The following ALPK1 variants were observed in gnomAD, a reference collection of about 807,000 sequenced individuals.
ALPK1 encodes the protein alpha kinase 1, also known as alpha-protein kinase 1.
A neutral mutation model predicts 120.6 loss-of-function variants in ALPK1; 110 were observed. The observed-to-expected ratio is 0.91, with a 90% CI of 0.78 to 1.07. The LOEUF (loss-of-function observed/expected upper bound fraction) is 1.07. Ranked by LOEUF, ALPK1 falls within the 50% of genes least tolerant of loss-of-function variation. The probability of loss-of-function intolerance (pLI) is 0.00; values close to 1 mark genes in which losing one functional copy is unlikely to be tolerated. For synonymous variants in ALPK1, 582 were observed against 560.3 expected (o/e 1.04, Z -0.55); for missense variants, 1,498 against 1,483.9 (o/e 1.01, Z -0.16).
chr4:112,320,459 T>C (rs550354557), intron 2 of ALPK1, among the ~76,000 whole-genome samples: 6 of 152,330 alleles, frequency 3.9e-5, no homozygotes, highest in African/African-American at 1.4e-4. Context: ...TATTTTGTTC[T>C]GGATTTTTGC....
At chr4:112,433,630 G>C (rs1324307228) in intron 11 of ALPK1, among the ~76,000 whole-genome samples, 3 of 152,212 alleles carry the variant, frequency 2.0e-5, no homozygotes, top group Non-Finnish European at 4.4e-5. Context: ...AAAAGTGGTA[G>C]AGAAGCTGGG....
At chr4:112,378,800 A>G (rs1037219425) in intron 3 of ALPK1, among the ~76,000 whole-genome samples, 1 of 152,234 alleles carries the variant, frequency 6.6e-6, no homozygotes, top group Middle Eastern at 3.4e-3. Context: ...TTTTCTCCTG[A>G]GTTCTTGTAC....
chr4:112,304,653 C>T (rs1727946429), intron 1 of ALPK1, among the ~76,000 whole-genome samples: 1 of 151,986 alleles, frequency 6.6e-6, no homozygotes, highest in Admixed American at 6.5e-5. Flanking sequence ...GATATTAGCC[C>T]TTTGTCAAAT....
In ALPK1 at chr4:112,431,350, C is replaced by G. The variant is rs774832302; in HGVS notation, c.1803C>G (p.His601Gln). 1.2e-6 allele frequency: 2 copies of G among 1,614,168 alleles called. No homozygotes were observed. Among genetic ancestry groups the G allele is most frequent in the Non-Finnish European group, 1.7e-6 (2 of 1,180,028 alleles). The change falls in exon 11 of 16, where the codon CAC (histidine) becomes CAG (glutamine). Residue 601 changes from histidine to glutamine, a missense_variant. His to Gln is a conservative substitution (Grantham distance 24, BLOSUM62 0). Transcript: ENST00000650871. ...SSASWEEVNY[H>Q]VDDRSARKEP... ...CAAGCTGGGAGGAAGTGAATTATCA[C>G]GTTGACGACAGGTCAGCCAGAAAAG...
intron 9 of ALPK1, among the ~76,000 whole-genome samples, chr4:112,428,779 G>C (rs2351758): frequency 6.6e-6 from 1 of 151,540 alleles, no homozygotes; most frequent in Non-Finnish European, 1.5e-5. Context: ...TACTCTATAC[G>C]TATTTACAGA....
chr4:112,325,645 C>T (rs1729083084), intron 2 of ALPK1, among the ~76,000 whole-genome samples: 3 of 152,206 alleles, frequency 2.0e-5, no homozygotes, highest in African/African-American at 7.2e-5. Flanking sequence ...TATCACACAT[C>T]TCAACTTTTA....
At chr4:112,366,024 A>G (rs371572867) in intron 2 of ALPK1, among the ~76,000 whole-genome samples, 3 of 152,218 alleles carry the variant, frequency 2.0e-5, no homozygotes, top group East Asian at 3.8e-4. Flanking sequence ...ATAGAACTGG[A>G]TCCTCATCTG....
intron 2 of ALPK1, chr4:112,352,936 C>G (rs1730427118): frequency 7.0e-6 from 1 of 141,936 alleles, no homozygotes; most frequent in Non-Finnish European, 1.5e-5. Context: ...CTCTTTCTGT[C>G]TTCTCTCTTT....
chr4:112,337,329 A>G (rs77900512), intron 2 of ALPK1, among the ~76,000 whole-genome samples: 12 of 152,302 alleles, frequency 7.9e-5, no homozygotes, highest in African/African-American at 2.9e-4. Context: ...ATCTAAACAT[A>G]GTTTTGGTGG....
intron 4 of ALPK1, among the ~76,000 whole-genome samples, chr4:112,396,397 T>C (rs1732652762): frequency 6.6e-6 from 1 of 152,160 alleles, no homozygotes; most frequent in African/African-American, 2.4e-5. Context: ...AACCTACTTA[T>C]CAACTATATA....
chr4:112,353,590 G>A (rs55833847), intron 2 of ALPK1, among the ~76,000 whole-genome samples: 14,354 of 152,004 alleles, frequency 0.094, 740 homozygotes, highest in South Asian at 0.13. Context: ...CAAAGGGGCC[G>A]GGCATGGTAG....
intron 2 of ALPK1, among the ~76,000 whole-genome samples, chr4:112,361,360 G>T (rs1046841701): frequency 1.1e-4 from 17 of 152,170 alleles, no homozygotes; most frequent in African/African-American, 3.9e-4. Context: ...GGTGCTGTTG[G>T]GGGGAGGGGC....
At chr4:112,361,716 C>T (rs1344553089) in intron 2 of ALPK1, among the ~76,000 whole-genome samples, 3 of 152,234 alleles carry the variant, frequency 2.0e-5, no homozygotes, top group Non-Finnish European at 4.4e-5. Flanking sequence ...AAGCTTGTAT[C>T]CTCCCTATAC....
intron 2 of ALPK1, among the ~76,000 whole-genome samples, chr4:112,337,761 T>A (rs967802811): frequency 9.2e-5 from 14 of 152,094 alleles, no homozygotes; most frequent in Admixed American, 3.9e-4. Flanking sequence ...AATAAAAAAA[T>A]TTAATTTTAA....
chr4:112,412,470 AG>A (rs1733528439), intron 5 of ALPK1: 1 of 457,316 alleles, frequency 2.2e-6, no homozygotes, highest in African/African-American at 2.0e-5. Context: ...AAGTAATTTG[AG>A]GGTTTTTTTT....
At chr4:112,310,117 A>G (rs952575443) in intron 1 of ALPK1, among the ~76,000 whole-genome samples, 3 of 152,138 alleles carry the variant, frequency 2.0e-5, no homozygotes, top group Non-Finnish European at 2.9e-5. Context: ...ATAAAATTTC[A>G]TGGATCTCTA....
chr4:112,395,961 C>G (rs1163809205), intron 4 of ALPK1, among the ~76,000 whole-genome samples: 1 of 152,146 alleles, frequency 6.6e-6, no homozygotes, highest in African/African-American at 2.4e-5. Flanking sequence ...GCAAGTTAAT[C>G]AGAGGATTTT....
intron 2 of ALPK1, chr4:112,343,547 C>T (rs1362086817): frequency 6.6e-6 from 1 of 152,206 alleles, no homozygotes; most frequent in African/African-American, 2.4e-5. Context: ...AGGGCCATCT[C>T]CTCCGGTCAA....
chr4:112,364,570 C>T (rs905143955), intron 2 of ALPK1, among the ~76,000 whole-genome samples: 23 of 151,254 alleles, frequency 1.5e-4, no homozygotes, highest in Admixed American at 1.4e-3. Context: ...ATGGTAATTA[C>T]CCCAAAAAAT....
Sources: allele counts gnomAD v4.1 joint callset (sites outside exome capture counted in the v4.1 genomes callset), GRCh38; gene constraint gnomAD v4.1.1; transcripts MANE v1.5; gene names NCBI Gene and HGNC (gene_info 2026-07-23, HGNC 2026-07-21).